ROCK1: variants seen among roughly 807,000 people sequenced by gnomAD.
ROCK1 encodes Rho associated coiled-coil containing protein kinase 1.
Under a neutral mutation model 196.8 loss-of-function variants are expected in ROCK1, and 36 were observed. The ratio of observed to expected loss-of-function variants is 0.18; its 90% CI spans 0.14 to 0.24. The LOEUF (loss-of-function observed/expected upper bound fraction) is 0.24, where lower values mean the gene tolerates loss of function less well. Among genes scored for constraint, ROCK1 ranks in the 10% least tolerant of loss-of-function variants. ROCK1 has a pLI of 1.00. For synonymous variants in ROCK1, 443 were observed against 515.9 expected (o/e 0.86, Z 1.91); for missense variants, 920 against 1,562.0 (o/e 0.59, Z 6.93).
intron 16 of ROCK1, 53 bp downstream of exon 16, chr18:21,006,298 T>G: frequency 7.1e-7 from 1 of 1,408,134 alleles, no homozygotes; most frequent in Non-Finnish European, 9.7e-7. Context: ...GGTTAAAATG[T>G]TATAATAAAT....
chr18:21,003,671 T>A (rs1373496349), intron 16 of ROCK1, among the ~76,000 whole-genome samples: 1 of 152,086 alleles, frequency 6.6e-6, no homozygotes, highest in Non-Finnish European at 1.5e-5. Context: ...GGCTACCAAA[T>A]GAAGGTTTTT....
chr18:21,026,184 C>A (rs1432289316), intron 10 of ROCK1, among the ~76,000 whole-genome samples: 2 of 152,118 alleles, frequency 1.3e-5, no homozygotes, highest in Non-Finnish European at 2.9e-5. Flanking sequence ...GTGGGTGACA[C>A]CTGTAATCCC....
intron 1 of ROCK1, among the ~76,000 whole-genome samples, chr18:21,099,711 C>A (rs2036642189): frequency 6.6e-6 from 1 of 152,200 alleles, no homozygotes; most frequent in Non-Finnish European, 1.5e-5. Flanking sequence ...TGCCACTGCA[C>A]TCCAGCCTGG....
At chr18:21,086,762 A>C (rs987368978) in intron 1 of ROCK1, among the ~76,000 whole-genome samples, 3 of 134,518 alleles carry the variant, frequency 2.2e-5, no homozygotes, top group African/African-American at 9.7e-5. Context: ...ACATCCACTG[A>C]AAAAAAAAAA....
rs145977416 is a variant in ROCK1 at position 20,990,252 on chromosome 18, A to G, written c.2143+924T>C. ...AAGAAATGAGAAAACTGAGGGTACAAAGCAAGATAGCAGATGAATTAGCAG... is the reference window on the plus strand; with the variant it reads ...AAGAAATGAGAAAACTGAGGGTACAGAGCAAGATAGCAGATGAATTAGCAG... On this transcript the variant is annotated intron_variant, in intron 18 of 32. Coordinates refer to ENST00000399799, the MANE Select transcript of ROCK1 (RefSeq NM_005406.3). 6.4e-3 allele frequency among the ~76,000 whole-genome samples: 981 copies of G among 152,262 alleles called. 8 individuals carry two copies. Among genetic ancestry groups the G allele is most frequent in the Middle Eastern group, 0.01 (3 of 294 alleles).
intron 2 of ROCK1, 111 bp downstream of exon 2, chr18:21,070,421 A>T: frequency 1.7e-6 from 1 of 598,598 alleles, no homozygotes; most frequent in South Asian, 2.9e-5. Flanking sequence ...TGTAGAAATC[A>T]TTGATGAAAT....
intron 1 of ROCK1, among the ~76,000 whole-genome samples, chr18:21,099,480 AC>A (rs1353280219): frequency 6.6e-6 from 1 of 152,222 alleles, no homozygotes; most frequent in Admixed American, 6.5e-5. Flanking sequence ...ACAGTAGCTC[AC>A]ACCTTTAATC....
intron 4 of ROCK1, among the ~76,000 whole-genome samples, chr18:21,045,880 T>C (rs1041792250): frequency 6.6e-6 from 1 of 150,594 alleles, no homozygotes; most frequent in Non-Finnish European, 1.5e-5. Context: ...TTTGATAAAT[T>C]TGGCTTACAG....
At chr18:21,006,677 G>A in intron 15 of ROCK1, 22 bp downstream of exon 15, 2 of 1,582,842 alleles carry the variant, frequency 1.3e-6, no homozygotes, top group Non-Finnish European at 8.5e-7. Context: ...TTTTAAAAAG[G>A]AACCTCATTT....
intron 1 of ROCK1, among the ~76,000 whole-genome samples, chr18:21,090,915 T>C (rs1229846538): frequency 6.6e-6 from 1 of 152,136 alleles, no homozygotes; most frequent in Non-Finnish European, 1.5e-5. Context: ...TTTATTACCA[T>C]TTAGGGAAAA....
At chr18:20,981,578 C>T (rs999181252) in intron 21 of ROCK1, among the ~76,000 whole-genome samples, 4 of 152,054 alleles carry the variant, frequency 2.6e-5, no homozygotes, top group Non-Finnish European at 5.9e-5. Flanking sequence ...AGTGAACTTC[C>T]AGTTCTGATG....
intron 19 of ROCK1, 75 bp downstream of exon 19, chr18:20,986,875 T>C: frequency 7.0e-6 from 9 of 1,287,054 alleles, no homozygotes; most frequent in Admixed American, 5.0e-5. Context: ...GTTTAAATTA[T>C]AGATAACTCC....
Position 20,951,403 on chromosome 18 carries a change from G to GA in ROCK1, c.4062-17dup. On this transcript the variant is annotated splice_polypyrimidine_tract_variant and intron_variant, in intron 32 of 32. Transcript: ENST00000399799. ...ACATGGTTAACTGTTGAGGGAGGGG[G>GA]AAAAAACTAATTTAAGAAATGCACT... 1 of 1,584,276 alleles carries GA rather than the reference G, an allele frequency of 6.3e-7. No individual in the cohort carries two copies.
intron 1 of ROCK1, among the ~76,000 whole-genome samples, chr18:21,078,189 T>C (rs1484355467): frequency 6.6e-6 from 1 of 151,726 alleles, no homozygotes; most frequent in Non-Finnish European, 1.5e-5. Flanking sequence ...ATTAGCCGGG[T>C]GTGGTGGCGT....
chr18:20,990,723 A>G (rs1356352622), intron 18 of ROCK1, among the ~76,000 whole-genome samples: 1 of 148,068 alleles, frequency 6.8e-6, no homozygotes, highest in South Asian at 2.2e-4. Context: ...AAAAAAAAGG[A>G]AAGTATCAAA....
chr18:21,087,729 G>A (rs760176183), intron 1 of ROCK1, among the ~76,000 whole-genome samples: 13 of 151,978 alleles, frequency 8.6e-5, no homozygotes, highest in Non-Finnish European at 1.9e-4. Context: ...AATTTTAGTC[G>A]GCAACTTGAA....
intron 21 of ROCK1, 67 bp from the exon 22 acceptor site, chr18:20,980,071 A>C: frequency 7.1e-7 from 1 of 1,417,146 alleles, no homozygotes; most frequent in East Asian, 2.7e-5. Context: ...GCAGTTTCTT[A>C]TAAATTTAAA....
At chr18:21,075,608 G>A (rs534339847) in intron 1 of ROCK1, among the ~76,000 whole-genome samples, 1 of 152,304 alleles carries the variant, frequency 6.6e-6, no homozygotes, top group East Asian at 1.9e-4. Flanking sequence ...TAAACAGGGA[G>A]AGTAGAGAAA....
At chr18:21,017,769 G>C (rs1324287054) in intron 12 of ROCK1, among the ~76,000 whole-genome samples, 4 of 151,502 alleles carry the variant, frequency 2.6e-5, no homozygotes, top group Non-Finnish European at 5.9e-5. Flanking sequence ...CCAGGAGATC[G>C]AGACCATCCT....
Sources: allele counts gnomAD v4.1 joint callset (sites outside exome capture counted in the v4.1 genomes callset), GRCh38; gene constraint gnomAD v4.1.1; transcripts MANE v1.5; gene names NCBI Gene and HGNC (gene_info 2026-07-23, HGNC 2026-07-21).